Variants in PPP4R3B observed in about 807,000 individuals in gnomAD.
The protein encoded by PPP4R3B is serine/threonine-protein phosphatase 4 regulatory subunit 3B.
A neutral mutation model predicts 95.4 loss-of-function variants in PPP4R3B; 52 were observed. The observed-to-expected ratio is 0.54, with a 90% CI of 0.44 to 0.69. The LOEUF is 0.69. Ranked by LOEUF, PPP4R3B falls within the 30% of genes least tolerant of loss-of-function variation. The probability of loss-of-function intolerance (pLI) is 0.00; values close to 1 mark genes in which losing one functional copy is unlikely to be tolerated. For synonymous variants in PPP4R3B, 407 were observed against 343.9 expected, an observed-to-expected ratio of 1.18 and a Z score of -2.03; for missense variants, 1,003 against 1,005.9, an observed-to-expected ratio of 1.00 and a Z score of 0.04.
chr2:55,587,898 C>A (rs1690381984), intron 5 of PPP4R3B, among the ~76,000 whole-genome samples: 1 of 152,070 alleles, frequency 6.6e-6, no homozygotes, highest in South Asian at 2.1e-4. Context: ...TTTAAATTAG[C>A]CATCTTTCAT....
intron 2 of PPP4R3B, among the ~76,000 whole-genome samples, chr2:55,605,332 AT>A (rs1426644471): frequency 6.6e-6 from 1 of 152,194 alleles, no homozygotes; most frequent in East Asian, 1.9e-4. Flanking sequence ...AGTAGTACTT[AT>A]AAATATCATG....
Position 55,602,862 on chromosome 2 carries a change from G to A in PPP4R3B, c.297+1116C>T, listed in dbSNP as rs574866224. On this transcript the variant is annotated intron_variant, in intron 3 of 16. Coordinates refer to ENST00000616407, the MANE Select transcript of PPP4R3B (RefSeq NM_001122964.3). ...GCTGAATTCTGTGAGTCTTTCCAGTGAATTATGGAAATTGAGAGTGCTCTT... is the reference window on the plus strand; with the variant it reads ...GCTGAATTCTGTGAGTCTTTCCAGTAAATTATGGAAATTGAGAGTGCTCTT... Among the ~76,000 whole-genome samples the A allele has an allele frequency of 3.9e-5, 6 of 152,178 alleles. No homozygotes were observed. The South Asian group carries it at 8.3e-4, about 21-fold the overall frequency.
chr2:55,587,589 G>T (rs1690326804), intron 5 of PPP4R3B, among the ~76,000 whole-genome samples: 1 of 151,946 alleles, frequency 6.6e-6, no homozygotes, highest in African/African-American at 2.4e-5. Flanking sequence ...TTTTCGAAAA[G>T]AAAAAATAAA....
At position 55,555,480 on chromosome 2, in the gene PPP4R3B, G is replaced by A. The variant is rs80075365; in HGVS notation, c.2454+3295C>T. ...CTATGAAAAAGCCCTTTGGGAGGCC[G>A]AGGTGGGTGAATCACTTAAGATCAG... On this transcript the variant is annotated intron_variant, in intron 16 of 16. Transcript: ENST00000616407. Among the ~76,000 whole-genome samples the A allele has an allele frequency of 1.0e-3, 156 of 152,002 alleles. 1 individual carries two copies. Among genetic ancestry groups the A allele is most frequent in the African/African-American group, 3.0e-3 (126 of 41,462 alleles).
At chr2:55,579,810 T>C in intron 8 of PPP4R3B, 29 bp from the exon 9 acceptor site, 2 of 1,384,866 alleles carry the variant, frequency 1.4e-6, no homozygotes, top group South Asian at 1.2e-5. Flanking sequence ...TAAACAATAC[T>C]GTTACTTATG....
chr2:55,557,988 CA>C (rs1486558436), intron 16 of PPP4R3B, among the ~76,000 whole-genome samples: 4 of 152,032 alleles, frequency 2.6e-5, no homozygotes, highest in Admixed American at 6.6e-5. Context: ...CAGAGAAGAG[CA>C]GATTCAAAAG....
chr2:55,603,960 T>G lies in PPP4R3B; in HGVS notation c.297+18A>C, dbSNP rs915239710. On this transcript the variant is annotated intron_variant, in intron 3 of 16. Coordinates refer to ENST00000616407, the MANE Select transcript of PPP4R3B (RefSeq NM_001122964.3). Reference sequence around the variant, plus strand: ...AAAGAAGCAAACATTAAGTTAAATATTATAAAAAGAAACTTACCTGACAAA... The same window carrying G: ...AAAGAAGCAAACATTAAGTTAAATAGTATAAAAAGAAACTTACCTGACAAA... 1.3e-6 allele frequency: 2 copies of G among 1,558,380 alleles called. No individual in the cohort carries two copies. Among genetic ancestry groups the G allele is most frequent in the Non-Finnish European group, 1.7e-6 (2 of 1,146,720 alleles).
intron 2 of PPP4R3B, among the ~76,000 whole-genome samples, chr2:55,607,662 G>A (rs1250662560): frequency 1.3e-5 from 2 of 152,094 alleles, no homozygotes; most frequent in Admixed American, 6.6e-5. Flanking sequence ...TTTTATGGAG[G>A]CTTCATTAAA....
In PPP4R3B at chr2:55,568,820, C is replaced by G. The variant is rs566256817; in HGVS notation, c.1766-457G>C. Among the ~76,000 whole-genome samples the G allele has an allele frequency of 1.3e-4, 20 of 152,214 alleles. No individual in the cohort carries two copies. In the South Asian group the frequency reaches 3.5e-3, roughly 27 times the overall value. ...TAAGGTGGGCACAGGAGTGGGCAACCCACCATGAGCTAAGATTGCCTTGCC... is the reference window on the plus strand; with the variant it reads ...TAAGGTGGGCACAGGAGTGGGCAACGCACCATGAGCTAAGATTGCCTTGCC... On this transcript the variant is annotated intron_variant, in intron 12 of 16. Coordinates refer to ENST00000616407, the MANE Select transcript of PPP4R3B (RefSeq NM_001122964.3).
chr2:55,552,163 AAAT>A (rs1239041026), intron 16 of PPP4R3B, among the ~76,000 whole-genome samples: 2 of 152,224 alleles, frequency 1.3e-5, no homozygotes, highest in East Asian at 1.9e-4. Context: ...TTTACAATAA[AAAT>A]AATAAAAATG....
rs899916814 is a variant in PPP4R3B, at chr2:55,611,734, AT to A, written c.198+3716del. On this transcript the variant is annotated intron_variant, in intron 2 of 16. Transcript: ENST00000616407. ...AAACATTCCCCTCTGAATTTACTCA[AT>A]TTTTTTTTTTGAGACAGAAAAATCG... Among the ~76,000 whole-genome samples the A allele has an allele frequency of 4.3e-3, 642 of 148,774 alleles. 6 individuals are homozygous for A. Among genetic ancestry groups the A allele is most frequent in the African/African-American group, 0.015 (621 of 40,798 alleles).
chr2:55,581,970 G>A (rs1024447257), intron 7 of PPP4R3B, among the ~76,000 whole-genome samples: 1 of 151,880 alleles, frequency 6.6e-6, no homozygotes, highest in Non-Finnish European at 1.5e-5. Context: ...TATAGGAAGT[G>A]GAAAACAAAA....
chr2:55,617,068 G>T (rs1378715649), intron 1 of PPP4R3B, 76 bp downstream of exon 1: 4 of 1,481,608 alleles, frequency 2.7e-6, no homozygotes, highest in Non-Finnish European at 3.6e-6. Context: ...CAACGGTAAC[G>T]GGCCCAGGGC....
In PPP4R3B at chr2:55,549,355, C is replaced by T. The variant is rs1684998758; in HGVS notation, c.*556G>A. ...GCTGAATACGGGGTGTACTTCCCTT[C>T]AACTACCTAAAAGGCTGAACTTTTG... On this transcript the variant is annotated 3_prime_UTR_variant, in exon 17 of 17. Coordinates refer to ENST00000616407, the MANE Select transcript of PPP4R3B (RefSeq NM_001122964.3). 1 of 152,920 alleles carries T rather than the reference C, an allele frequency of 6.5e-6. No homozygotes were observed. The highest frequency in any genetic ancestry group is 2.4e-5 in the African/African-American group (1 of 41,424). The allele number at this position is 152,920 out of a possible 1,614,324, so 9.5% of individuals were successfully genotyped here.
In PPP4R3B at chr2:55,549,561, A is replaced by G. The variant is rs1030741260; in HGVS notation, c.*350T>C. ...TGAAGTTCTGTAAAATTGTTTCTAG[A>G]TCGACACCCCGAGGAGCAACCCTGC... is the stretch of plus-strand genomic sequence containing the variant. On this transcript the variant is annotated 3_prime_UTR_variant, in exon 17 of 17. Transcript: ENST00000616407. 2 of 191,024 alleles carry G rather than the reference A, an allele frequency of 1.0e-5. No homozygotes were observed. Among genetic ancestry groups the G allele is most frequent in the African/African-American group, 4.7e-5 (2 of 42,306 alleles). The allele number at this position is 191,024 out of a possible 1,614,324, so 11.8% of individuals were successfully genotyped here. A position where few individuals can be genotyped will look rare whatever the true frequency, so the allele number is the denominator to read the frequency against.
At chr2:55,564,874 C>T in intron 14 of PPP4R3B, 28 bp downstream of exon 14, 1 of 1,598,004 alleles carries the variant, frequency 6.3e-7, no homozygotes, top group Non-Finnish European at 8.5e-7. Context: ...GTTTTGTAGG[C>T]TATAAAAGCA....
chr2:55,589,865 G>A (rs868447601), intron 4 of PPP4R3B, among the ~76,000 whole-genome samples: 6 of 145,638 alleles, frequency 4.1e-5, no homozygotes, highest in African/African-American at 1.0e-4. Flanking sequence ...GCAGTGAGCC[G>A]AGATTGTGCC....
chr2:55,595,708 T>C lies in PPP4R3B; in HGVS notation c.921+2708A>G, dbSNP rs112090740. Among the ~76,000 whole-genome samples the C allele has an allele frequency of 7.2e-4, 107 of 149,454 alleles. 1 individual carries two copies. Among genetic ancestry groups the C allele is most frequent in the African/African-American group, 2.5e-3 (103 of 40,846 alleles). ...TTTATCTTTTCTGGCATTCAGTGTG[T>C]TGCAATATGTTCTTTAAGCAAAAGT... On this transcript the variant is annotated intron_variant, in intron 4 of 16. Transcript: ENST00000616407.
intron 13 of PPP4R3B, among the ~76,000 whole-genome samples, chr2:55,567,553 C>A (rs1272042806): frequency 1.3e-5 from 2 of 152,060 alleles, no homozygotes; most frequent in East Asian, 3.8e-4. Context: ...GTGGCTGGGA[C>A]TACAGGCGTG....
Sources: gnomAD v4.1 joint callset for allele counts (sites outside exome capture counted in the v4.1 genomes callset) on GRCh38, gnomAD v4.1.1 for gene constraint, MANE v1.5 for transcripts, NCBI Gene and HGNC (gene_info 2026-07-23, HGNC 2026-07-21) for gene names.